TENM1: variants seen among roughly 807,000 people sequenced by gnomAD.
TENM1 encodes the protein teneurin-1.
In TENM1, 35 loss-of-function variants were observed where a neutral mutation model predicts 174.8. The ratio of observed to expected loss-of-function variants is 0.20; its 90% confidence interval spans 0.15 to 0.27. TENM1 has a LOEUF of 0.27. TENM1 is among the 10% of genes least tolerant of loss of function. The pLI, the probability that TENM1 is intolerant of heterozygous loss-of-function variation, is 1.00. For synonymous variants in TENM1, 781 were observed against 798.7 expected (o/e 0.98, Z 0.37); for missense variants, 1,633 against 2,130.1 (o/e 0.77, Z 4.59).
chrX:124,965,067 TTTGA>T (rs762629657), upstream of TENM1, among the ~76,000 whole-genome samples: 21 of 97,510 alleles, frequency 2.2e-4, no homozygotes, highest in Admixed American at 1.3e-3. Flanking sequence ...TATTGATCAA[TTTGA>T]TTGATTGATT....
the TENM1 span, among the ~76,000 whole-genome samples, chrX:125,176,173 T>C: frequency 3.6e-5 from 4 of 110,215 alleles, no homozygotes; most frequent in Admixed American, 2.0e-4. Context: ...AATAGGACTA[T>C]ATTTTTCTAA....
intron 1 of TENM1, among the ~76,000 whole-genome samples, chrX:124,955,797 GCACACA>G (rs376755403): frequency 2.1e-4 from 19 of 91,248 alleles, no homozygotes; most frequent in Non-Finnish European, 2.5e-4. Context: ...ACACGCGCAC[GCACACA>G]CACACACACA....
At chrX:124,488,171 A>C (rs1298157847) in intron 20 of TENM1, among the ~76,000 whole-genome samples, 1 of 112,124 alleles carries the variant, frequency 8.9e-6, no homozygotes, top group Non-Finnish European at 1.9e-5. Context: ...TTTCTCACAC[A>C]GGGAGTGCAG....
At chrX:124,577,210 G>A (rs746742846) in intron 11 of TENM1, among the ~76,000 whole-genome samples, 1 of 111,307 alleles carries the variant, frequency 9.0e-6, no homozygotes, top group South Asian at 3.9e-4. Context: ...TTGCAACGGT[G>A]GTAGGCTTCT....
the TENM1 span, among the ~76,000 whole-genome samples, chrX:125,105,440 T>C: frequency 9.0e-6 from 1 of 111,727 alleles, no homozygotes; most frequent in African/African-American, 3.3e-5. Flanking sequence ...AGATGTCCCA[T>C]GAATTTCCTC....
chrX:125,013,724 AG>A, the TENM1 span, among the ~76,000 whole-genome samples: 4 of 111,594 alleles, frequency 3.6e-5, no homozygotes, highest in Admixed American at 9.6e-5. Context: ...TAATTAAATC[AG>A]GGGGTAAAGA....
At chrX:125,021,205 T>C in the TENM1 span, among the ~76,000 whole-genome samples, 1 of 104,554 alleles carries the variant, frequency 9.6e-6, no homozygotes, top group Non-Finnish European at 2.0e-5. Context: ...ATTACACACA[T>C]GAATTAAAGA....
intron 4 of TENM1, among the ~76,000 whole-genome samples, chrX:124,721,741 C>T (rs780300472): frequency 1.7e-4 from 19 of 112,299 alleles, no homozygotes; most frequent in Admixed American, 4.7e-4. Flanking sequence ...ACATGCTCCA[C>T]ATGAATGTGT....
the TENM1 span, among the ~76,000 whole-genome samples, chrX:125,085,771 G>A: frequency 1.8e-5 from 2 of 110,419 alleles, no homozygotes; most frequent in Non-Finnish European, 3.8e-5. Flanking sequence ...TATATATGTT[G>A]CATATATTTT....
intron 3 of TENM1, among the ~76,000 whole-genome samples, chrX:124,813,803 C>T (rs1409422182): frequency 9.0e-6 from 1 of 110,615 alleles, no homozygotes; most frequent in Non-Finnish European, 1.9e-5. Context: ...ACTGCATGCC[C>T]TCTACATTAG....
At chrX:124,695,350 A>G (rs1325981200) in intron 5 of TENM1, among the ~76,000 whole-genome samples, 5 of 111,674 alleles carry the variant, frequency 4.5e-5, no homozygotes, top group Non-Finnish European at 9.4e-5. Flanking sequence ...AAGACATTTT[A>G]TGTAAAACCT....
intron 11 of TENM1, among the ~76,000 whole-genome samples, chrX:124,605,268 T>C (rs1211484426): frequency 1.9e-5 from 2 of 104,164 alleles, no homozygotes; most frequent in African/African-American, 7.0e-5. Flanking sequence ...TTACTACTTT[T>C]GACTAGGTGA....
Position 124,737,207 on chromosome X carries a change from A to G in TENM1, c.536-10T>C, listed in dbSNP as rs1455709897. The stretch of plus-strand genomic sequence containing the variant: ...GGGCTGCTCTGCACATCTAAAGAGG[A>G]GAGAAGAGAAACATAAAATAGAGAC... On this transcript the variant is annotated splice_polypyrimidine_tract_variant and intron_variant, in intron 3 of 31. Coordinates refer to ENST00000422452, the Ensembl canonical transcript of TENM1. 2 of 1,182,835 alleles carry G rather than the reference A, an allele frequency of 1.7e-6. No individual in the cohort carries two copies. The highest frequency in any genetic ancestry group is 3.8e-5 in the South Asian group (2 of 52,356).
chrX:124,642,958 T>C (rs1281255737), intron 10 of TENM1, among the ~76,000 whole-genome samples: 1 of 112,242 alleles, frequency 8.9e-6, no homozygotes, highest in Admixed American at 9.5e-5. Context: ...AGTTTTAGGG[T>C]GTGGCTTGGG....
the TENM1 span, among the ~76,000 whole-genome samples, chrX:125,069,183 A>G: frequency 0.014 from 1,537 of 111,496 alleles, 9 homozygotes; most frequent in Non-Finnish European, 0.023. Flanking sequence ...GGAGTCCCCA[A>G]TATCTATTGT....
At chrX:125,127,576 AC>A in the TENM1 span, among the ~76,000 whole-genome samples, 2 of 111,894 alleles carry the variant, frequency 1.8e-5, no homozygotes, top group South Asian at 7.5e-4. Flanking sequence ...TGTTTGTTGA[AC>A]ATTGTAAATC....
At chrX:125,187,882 A>G in the TENM1 span, among the ~76,000 whole-genome samples, 1 of 112,182 alleles carries the variant, frequency 8.9e-6, no homozygotes, top group African/African-American at 3.2e-5. Flanking sequence ...TAAAGTAACC[A>G]CAATGTGAGT....
chrX:124,550,869 C>T (rs756588687), intron 14 of TENM1, among the ~76,000 whole-genome samples: 1 of 110,660 alleles, frequency 9.0e-6, no homozygotes, highest in Non-Finnish European at 1.9e-5. Context: ...AGTGATTCTC[C>T]TGCCTCAGCC....
At chrX:124,934,121 T>TG (rs757936033) in intron 1 of TENM1, among the ~76,000 whole-genome samples, 3 of 112,341 alleles carry the variant, frequency 2.7e-5, no homozygotes, top group African/African-American at 9.7e-5. Context: ...TATACTTGGT[T>TG]AATTTTGTTT....
Sources: allele counts gnomAD v4.1 joint callset (sites outside exome capture counted in the v4.1 genomes callset), GRCh38; gene constraint gnomAD v4.1.1; transcripts MANE v1.5; gene names NCBI Gene and HGNC (gene_info 2026-07-23, HGNC 2026-07-21).